Variants in AFF2 observed in about 807,000 individuals in gnomAD.
The protein encoded by AFF2 is AF4/FMR2 family member 2.
A neutral mutation model predicts 76.9 loss-of-function variants in AFF2; 14 were observed. The observed-to-expected ratio is 0.18, with a 90% CI of 0.12 to 0.28. The LOEUF (loss-of-function observed/expected upper bound fraction) is 0.28. Among genes scored for constraint, AFF2 ranks in the 10% least tolerant of loss-of-function variants. The pLI is 1.00. For synonymous variants in AFF2, 398 were observed against 366.7 expected, an observed-to-expected ratio of 1.09 and a Z score of -0.98; for missense variants, 868 against 1,001.1, an observed-to-expected ratio of 0.87 and a Z score of 1.79.
At chrX:148,560,844 G>A (rs1386452753) in intron 1 of AFF2, among the ~76,000 whole-genome samples, 5 of 110,747 alleles carry the variant, frequency 4.5e-5, no homozygotes, top group African/African-American at 1.6e-4. Flanking sequence ...TCTGGGGGGG[G>A]CACCTCCTGT....
At chrX:148,680,406 T>C (rs2054534175) in intron 3 of AFF2, among the ~76,000 whole-genome samples, 1 of 112,157 alleles carries the variant, frequency 8.9e-6, no homozygotes, top group African/African-American at 3.2e-5. Context: ...TTCTTGAAGA[T>C]GACAGCCCAG....
At chrX:148,873,668 C>T (rs889000975) in intron 7 of AFF2, among the ~76,000 whole-genome samples, 22 of 110,455 alleles carry the variant, frequency 2.0e-4, no homozygotes, top group African/African-American at 5.9e-4. Context: ...GATCCATTAG[C>T]GCACTTAGAG....
chrX:148,713,099 A>G (rs1421057369), intron 3 of AFF2, among the ~76,000 whole-genome samples: 2 of 111,057 alleles, frequency 1.8e-5, no homozygotes, highest in Admixed American at 9.7e-5. Flanking sequence ...AACAAGGGGA[A>G]CAGCAAGTGC....
intron 1 of AFF2, among the ~76,000 whole-genome samples, chrX:148,540,621 G>A (rs949653451): frequency 3.6e-5 from 4 of 110,837 alleles, no homozygotes; most frequent in Non-Finnish European, 7.5e-5. Context: ...AGTAAATGAA[G>A]CATTTTTGGG....
chrX:148,985,959 C>T (rs2072466036), intron 19 of AFF2, among the ~76,000 whole-genome samples: 1 of 110,320 alleles, frequency 9.1e-6, no homozygotes, highest in African/African-American at 3.3e-5. Context: ...TAATTGTTCC[C>T]AGATCTAGTC....
chrX:148,577,000 TA>T (rs1569551500), intron 1 of AFF2, among the ~76,000 whole-genome samples: 2 of 111,885 alleles, frequency 1.8e-5, no homozygotes, highest in Non-Finnish European at 3.8e-5. Context: ...ATTACTTTTT[TA>T]TTAAAGAGAA....
chrX:148,763,326 T>A (rs1557267464), intron 3 of AFF2, among the ~76,000 whole-genome samples: 1 of 111,844 alleles, frequency 8.9e-6, no homozygotes. Context: ...GTAGAACATG[T>A]TAATCGAGTA....
chrX:148,543,179 C>G (rs950013808), intron 1 of AFF2, among the ~76,000 whole-genome samples: 1 of 111,572 alleles, frequency 9.0e-6, no homozygotes, highest in East Asian at 2.8e-4. Flanking sequence ...TGCCCAATGT[C>G]AGGTGCCAGC....
chrX:148,529,360 A>C (rs1557235579), intron 1 of AFF2, among the ~76,000 whole-genome samples: 1 of 111,772 alleles, frequency 8.9e-6, no homozygotes, highest in East Asian at 2.8e-4. Context: ...GAACACTGAG[A>C]GCATCTATCA....
At chrX:148,938,859 G>C (rs2071802683) in intron 9 of AFF2, among the ~76,000 whole-genome samples, 1 of 111,618 alleles carries the variant, frequency 9.0e-6, no homozygotes, top group Non-Finnish European at 1.9e-5. Flanking sequence ...GCTTCATCCT[G>C]TTATAGGTAT....
At chrX:148,808,939 G>A (rs1259244355) in intron 3 of AFF2, among the ~76,000 whole-genome samples, 1 of 111,396 alleles carries the variant, frequency 9.0e-6, no homozygotes, top group Non-Finnish European at 1.9e-5. Flanking sequence ...GGGCAATGTC[G>A]ATGTAACGGC....
At chrX:148,882,523 G>T (rs782602513) in intron 7 of AFF2, among the ~76,000 whole-genome samples, 20 of 111,579 alleles carry the variant, frequency 1.8e-4, no homozygotes, top group Non-Finnish European at 3.8e-4. Flanking sequence ...TCACCTAATT[G>T]AAAAGTTGAA....
intron 7 of AFF2, among the ~76,000 whole-genome samples, chrX:148,871,394 C>T (rs1443466300): frequency 2.7e-5 from 3 of 111,323 alleles, no homozygotes; most frequent in African/African-American, 9.8e-5. Context: ...ACTGCTGCAA[C>T]CCAGGCAGTC....
chrX:148,916,335 G>C (rs1247254892), intron 9 of AFF2, among the ~76,000 whole-genome samples: 2 of 102,946 alleles, frequency 1.9e-5, no homozygotes, highest in East Asian at 6.3e-4. Flanking sequence ...TCAGCCTCCC[G>C]AGGAGCTGGG....
At chrX:148,916,936 T>C (rs2071539690) in intron 9 of AFF2, among the ~76,000 whole-genome samples, 1 of 112,051 alleles carries the variant, frequency 8.9e-6, no homozygotes, top group African/African-American at 3.2e-5. Flanking sequence ...CTTGAATGAG[T>C]AAGTGCAAAC....
intron 9 of AFF2, among the ~76,000 whole-genome samples, chrX:148,931,543 C>T (rs1481764807): frequency 8.9e-6 from 1 of 112,143 alleles, no homozygotes; most frequent in Non-Finnish European, 1.9e-5. Context: ...GCATGTTTTA[C>T]ACAATTTTTA....
intron 3 of AFF2, among the ~76,000 whole-genome samples, chrX:148,701,012 A>AGAGAGTGTGTG (rs782232655): frequency 2.7e-5 from 2 of 73,741 alleles, no homozygotes; most frequent in African/African-American, 1.2e-4. Context: ...GAGAGAGAGA[A>AGAGAGTGTGTG]TGTGTGTGTG....
chrX:148,986,856 T>C (rs1224145246), intron 19 of AFF2, among the ~76,000 whole-genome samples: 3 of 112,851 alleles, frequency 2.7e-5, no homozygotes, highest in Non-Finnish European at 5.6e-5. Context: ...CAACACTTGT[T>C]ATATGTATTC....
chrX:148,553,745 TC>T lies in AFF2; in HGVS notation c.47+52603del, dbSNP rs201577489. ...CATTCTTTGCTGTTTGTTTATTTCTTCCGTGTCCCCAGACCCTAACTTCCTT... is the reference window on the plus strand; with the variant it reads ...CATTCTTTGCTGTTTGTTTATTTCTTCGTGTCCCCAGACCCTAACTTCCTT... On this transcript the variant is annotated intron_variant, in intron 1 of 20. Coordinates refer to ENST00000370460, the MANE Select transcript of AFF2 (RefSeq NM_002025.4). 8.9e-3 allele frequency among the ~76,000 whole-genome samples: 1,001 copies of T among 111,932 alleles called. 14 individuals carry two copies. Among genetic ancestry groups the T allele is most frequent in the African/African-American group, 0.03 (911 of 30,751 alleles).
Sources: allele counts gnomAD v4.1 joint callset (sites outside exome capture counted in the v4.1 genomes callset), GRCh38; gene constraint gnomAD v4.1.1; transcripts MANE v1.5; gene names NCBI Gene and HGNC (gene_info 2026-07-23, HGNC 2026-07-21).